BMP8B: variants seen among roughly 807,000 people sequenced by gnomAD.
The protein encoded by BMP8B is bone morphogenetic protein 8b, also known as bone morphogenetic protein 8 (osteogenic protein 2).
Under a neutral mutation model 30.3 loss-of-function variants are expected in BMP8B, and 17 were observed. The ratio of observed to expected loss-of-function variants is 0.56; its 90% CI spans 0.38 to 0.84. BMP8B has a LOEUF of 0.84. BMP8B is among the 40% of genes least tolerant of loss of function. The probability of loss-of-function intolerance (pLI) is 0.00; values close to 1 mark genes in which losing one functional copy is unlikely to be tolerated. For missense variants in BMP8B, 253 were observed against 494.6 expected (o/e 0.51, Z 4.63); for synonymous variants, 131 against 214.7 (o/e 0.61, Z 3.41).
chr1:39,783,988 G>A (rs1354824838), intron 1 of BMP8B, among the ~76,000 whole-genome samples: 1 of 152,234 alleles, frequency 6.6e-6, no homozygotes, highest in African/African-American at 2.4e-5. Flanking sequence ...CATTTCAGCA[G>A]CACACACTGC....
chr1:39,780,282 C>A (rs1334233215), intron 1 of BMP8B, among the ~76,000 whole-genome samples: 1 of 152,124 alleles, frequency 6.6e-6, no homozygotes, highest in African/African-American at 2.4e-5. Flanking sequence ...ATTATTCATC[C>A]CAGGTTATAG....
At chr1:39,763,314 A>G (rs1649285612) in intron 5 of BMP8B, 112 bp from the exon 6 acceptor site, 1 of 1,058,136 alleles carries the variant, frequency 9.5e-7, no homozygotes, top group Admixed American at 2.4e-5. Context: ...GCTTGAATCC[A>G]CCCAGGAACC....
In BMP8B at chr1:39,760,554, C is replaced by A; in HGVS notation, c.1074G>T (p.Met358Ile). 1 of 1,613,828 alleles carries A rather than the reference C, an allele frequency of 6.2e-7. No homozygotes were observed. Among genetic ancestry groups the A allele is most frequent in the Non-Finnish European group, 8.5e-7 (1 of 1,179,976 alleles). ...AILQSLVHLM[M>I]PDAVPKACCA... ...AGCACGCCTTGGGGACTGCGTCTGG[C>A]ATCATCAGGTGCACCTGGCCAGGAA... Residue 358 changes from methionine to isoleucine, a missense_variant, in exon 7 of 7, where the codon ATG becomes ATT. By Grantham distance (10) the Met-to-Ile change is conservative (BLOSUM62 1). This residue lies in a region of BMP8B where 116 missense variants were observed against 142.3 expected (regional missense o/e 0.81). Coordinates refer to ENST00000372827, the MANE Select transcript of BMP8B (RefSeq NM_001720.5).
intron 2 of BMP8B, 131 bp downstream of exon 2, chr1:39,774,718 G>C (rs1216267518): frequency 6.3e-6 from 2 of 317,392 alleles, no homozygotes. Flanking sequence ...CAGTGCAGGG[G>C]CCTCGGGCCA....
intron 6 of BMP8B, among the ~76,000 whole-genome samples, chr1:39,761,909 G>T (rs1263134850): frequency 1.3e-5 from 2 of 152,246 alleles, no homozygotes; most frequent in Non-Finnish European, 2.9e-5. Flanking sequence ...TGCCCAGCAG[G>T]TTACGAGTGC....
Position 39,771,241 on chromosome 1 carries a change from C to T in BMP8B, c.673+3067G>A, listed in dbSNP as rs933773382. 119 of 1,521,360 alleles carry T rather than the reference C, an allele frequency of 7.8e-5. No individual in the cohort carries two copies. The African/African-American group carries it at 1.4e-3, about 18-fold the overall frequency. 94.2% of individuals were successfully genotyped at this position (1,521,360 alleles called of 1,614,324 possible). On this transcript the variant is annotated intron_variant, in intron 3 of 6. Transcript: ENST00000372827. Reference sequence around the variant, plus strand: ...CGCGCCCGAGCACTGACGCCAGGAGCCGCAGCGCCGCCATAGTCGGCCCGG... The same window carrying T: ...CGCGCCCGAGCACTGACGCCAGGAGTCGCAGCGCCGCCATAGTCGGCCCGG...
chr1:39,775,172 C>T lies in BMP8B; in HGVS notation c.335-134G>A, dbSNP rs558283994. ...GGACCCAGGGAGGCCTGGGTGGGGC[C>T]GGCTTCATTTAGTGCAAACGTTTGT... On this transcript the variant is annotated intron_variant, in intron 1 of 6. Transcript: ENST00000372827. 8.4e-5 allele frequency: 113 copies of T among 1,346,206 alleles called. No homozygotes were observed. The African/African-American group carries it at 1.1e-3, about 13-fold the overall frequency. 83.4% of individuals were successfully genotyped at this position (1,346,206 alleles called of 1,614,324 possible).
At chr1:39,763,927 A>C in intron 4 of BMP8B, 136 bp from the exon 5 acceptor site, 1 of 1,142,932 alleles carries the variant, frequency 8.7e-7, no homozygotes, top group Non-Finnish European at 1.2e-6. Context: ...TGGTCTCATA[A>C]AGCCCATCCC....
chr1:39,779,869 G>A (rs1022176879), intron 1 of BMP8B, among the ~76,000 whole-genome samples: 15 of 152,234 alleles, frequency 9.9e-5, no homozygotes, highest in African/African-American at 3.4e-4. Flanking sequence ...GTTGCACATT[G>A]TTCTTAGGGC....
intron 3 of BMP8B, among the ~76,000 whole-genome samples, chr1:39,766,945 G>T (rs1649656207): frequency 6.6e-6 from 1 of 152,242 alleles, no homozygotes; most frequent in Admixed American, 6.5e-5. Context: ...ACAGCCTGGG[G>T]CCCAGGGCAG....
chr1:39,763,227 T>G, intron 5 of BMP8B, 25 bp from the exon 6 acceptor site: 4 of 1,581,908 alleles, frequency 2.5e-6, no homozygotes, highest in South Asian at 1.1e-5. Flanking sequence ...AGAAGGTGAG[T>G]CCCATCCATG....
intron 1 of BMP8B, among the ~76,000 whole-genome samples, chr1:39,786,772 C>T (rs368980079): frequency 6.6e-6 from 1 of 152,218 alleles, no homozygotes; most frequent in African/African-American, 2.4e-5. Context: ...CATCCAGATC[C>T]CACCGGCTAG....
At chr1:39,782,191 C>T (rs1033199278) in intron 1 of BMP8B, among the ~76,000 whole-genome samples, 2 of 151,930 alleles carry the variant, frequency 1.3e-5, no homozygotes, top group Non-Finnish European at 2.9e-5. Context: ...GAAGGACTCC[C>T]CTGTGAGCTG....
At chr1:39,762,732 C>A in intron 6 of BMP8B, 1 of 1,423,734 alleles carries the variant, frequency 7.0e-7, no homozygotes, top group Non-Finnish European at 9.3e-7. Context: ...CTCGGCGGCC[C>A]GTGTGCTAAG....
At chr1:39,769,101 TG>T (rs1268720351) in intron 3 of BMP8B, among the ~76,000 whole-genome samples, 1 of 149,018 alleles carries the variant, frequency 6.7e-6, no homozygotes, top group East Asian at 2.0e-4. Flanking sequence ...GAATTAGGAT[TG>T]CTTGAGCCCA....
At chr1:39,760,755 A>G (rs2124411467) in intron 6 of BMP8B, among the ~76,000 whole-genome samples, 187 bp from the exon 7 acceptor site, 1 of 152,262 alleles carries the variant, frequency 6.6e-6, no homozygotes, top group South Asian at 2.1e-4. Context: ...TGGGAGCTGT[A>G]GTAACACGCA....
At chr1:39,772,489 C>T (rs1327226969) in intron 3 of BMP8B, among the ~76,000 whole-genome samples, 3 of 79,900 alleles carry the variant, frequency 3.8e-5, no homozygotes, top group Non-Finnish European at 7.7e-5. Context: ...TCACACTCAC[C>T]GGTCCCTGTA....
At chr1:39,779,570 C>T (rs372948538) in intron 1 of BMP8B, among the ~76,000 whole-genome samples, 2 of 152,216 alleles carry the variant, frequency 1.3e-5, no homozygotes, top group Non-Finnish European at 2.9e-5. Context: ...GTGACGGTCG[C>T]AGTCACATAC....
chr1:39,782,481 T>C (rs6678976), intron 1 of BMP8B, among the ~76,000 whole-genome samples: 1 of 152,102 alleles, frequency 6.6e-6, no homozygotes, highest in African/African-American at 2.4e-5. Context: ...TTTTGTTTTT[T>C]TTTGAGATGG....
Sources: allele counts gnomAD v4.1 joint callset (sites outside exome capture counted in the v4.1 genomes callset), GRCh38; gene constraint gnomAD v4.1.1; regional missense constraint gnomAD v4.1.1; transcripts MANE v1.5; gene names NCBI Gene and HGNC (gene_info 2026-07-23, HGNC 2026-07-21).